Variants in RORA observed in about 807,000 individuals in gnomAD.
RORA encodes the protein RAR related orphan receptor A.
In RORA, 7 loss-of-function variants were observed where a neutral mutation model predicts 69.5. That is an observed-to-expected ratio of 0.10 (90% CI 0.06 to 0.19). The LOEUF (loss-of-function observed/expected upper bound fraction) is 0.19, where lower values mean the gene tolerates loss of function less well. Ranked by LOEUF, RORA falls within the 10% of genes least tolerant of loss-of-function variation. The probability of loss-of-function intolerance (pLI) is 1.00; values close to 1 mark genes in which losing one functional copy is unlikely to be tolerated. For missense variants in RORA, 457 were observed against 663.0 expected, an observed-to-expected ratio of 0.69 and a Z score of 3.41; for synonymous variants, 261 against 240.8, an observed-to-expected ratio of 1.08 and a Z score of -0.78.
intron 1 of RORA, among the ~76,000 whole-genome samples, chr15:61,104,997 C>G (rs1413163246): frequency 2.8e-5 from 4 of 141,180 alleles, no homozygotes; most frequent in African/African-American, 5.1e-5. Context: ...CATGAGGCGC[C>G]CCCCCCACCG....
rs1197259510 is a variant in RORA at position 60,592,371 on chromosome 15, G to T, written c.197-60520C>A. On this transcript the variant is annotated intron_variant, in intron 2 of 10. Coordinates refer to ENST00000335670, the MANE Select transcript of RORA (RefSeq NM_134261.3). ...GCCGCCAGCCCACCCGGCCCCGGCGGGGCGCCCGGGCTCACCTTTCATCGC... is the reference window on the plus strand; with the variant it reads ...GCCGCCAGCCCACCCGGCCCCGGCGTGGCGCCCGGGCTCACCTTTCATCGC... 3 of 1,413,868 alleles carry T rather than the reference G, an allele frequency of 2.1e-6. No homozygotes were observed. In the Admixed American group the frequency reaches 8.0e-5, roughly 38 times the overall value. The allele number at this position is 1,413,868 out of a possible 1,614,324, so 87.6% of individuals were successfully genotyped here. A position where few individuals can be genotyped will look rare whatever the true frequency, so the allele number is the denominator to read the frequency against.
At chr15:60,637,616 T>A (rs2069864643) in intron 2 of RORA, among the ~76,000 whole-genome samples, 1 of 152,124 alleles carries the variant, frequency 6.6e-6, no homozygotes, top group Non-Finnish European at 1.5e-5. Context: ...AAAAAATTTA[T>A]TTTTCTCTGA....
intron 1 of RORA, among the ~76,000 whole-genome samples, chr15:61,191,155 G>A (rs538790328): frequency 3.3e-5 from 5 of 152,068 alleles, no homozygotes; most frequent in Non-Finnish European, 7.4e-5. Context: ...TACGGATTTG[G>A]GCAAAGCTCT....
chr15:60,677,592 T>TC (rs1407119633), intron 2 of RORA, among the ~76,000 whole-genome samples: 1 of 151,806 alleles, frequency 6.6e-6, no homozygotes, highest in Non-Finnish European at 1.5e-5. Flanking sequence ...TTTTTTTTTT[T>TC]TTCATTTTTG....
chr15:60,902,184 T>C (rs1168110616), intron 1 of RORA, among the ~76,000 whole-genome samples: 1 of 152,244 alleles, frequency 6.6e-6, no homozygotes, highest in Admixed American at 6.5e-5. Flanking sequence ...ATTTGGCTTT[T>C]TAAAAGCTGT....
At chr15:60,590,297 C>T (rs2068462225) in intron 2 of RORA, among the ~76,000 whole-genome samples, 1 of 151,952 alleles carries the variant, frequency 6.6e-6, no homozygotes. Context: ...TTATGGCAGA[C>T]AGAGGTCACT....
intron 2 of RORA, among the ~76,000 whole-genome samples, chr15:60,614,283 G>A (rs1191102874): frequency 6.6e-6 from 1 of 152,140 alleles, no homozygotes; most frequent in East Asian, 1.9e-4. Flanking sequence ...GCAAGCATTG[G>A]CATTGACTGC....
intron 1 of RORA, among the ~76,000 whole-genome samples, chr15:60,835,728 T>A (rs998425495): frequency 1.3e-5 from 2 of 152,224 alleles, no homozygotes; most frequent in African/African-American, 4.8e-5. Flanking sequence ...AGTAGCTTAT[T>A]TGTACATTTG....
chr15:60,900,539 C>A (rs1236117730), intron 1 of RORA, among the ~76,000 whole-genome samples: 1 of 152,102 alleles, frequency 6.6e-6, no homozygotes, highest in Non-Finnish European at 1.5e-5. Flanking sequence ...GTGTTTGGGG[C>A]ATATATCTTA....
chr15:60,723,022 C>G (rs2071312851), intron 1 of RORA, among the ~76,000 whole-genome samples: 1 of 152,110 alleles, frequency 6.6e-6, no homozygotes, highest in Admixed American at 6.5e-5. Context: ...TGCAAGAAAC[C>G]CCAGCTCTCT....
At chr15:61,121,189 C>T (rs139674826) in intron 1 of RORA, among the ~76,000 whole-genome samples, 101 of 152,204 alleles carry the variant, frequency 6.6e-4, no homozygotes, top group African/African-American at 1.6e-3. Flanking sequence ...CACTCCATAA[C>T]GCAGACTAAG....
Position 61,002,853 on chromosome 15 carries a change from C to T in RORA, c.166+226200G>A, listed in dbSNP as rs186636126. On this transcript the variant is annotated intron_variant, in intron 1 of 10. Transcript: ENST00000335670. ...ACTTGAAAATACAAGGACATAGGGCCGGGCATGGTGGCTCACGCCTGTAAT... is the reference window on the plus strand; with the variant it reads ...ACTTGAAAATACAAGGACATAGGGCTGGGCATGGTGGCTCACGCCTGTAAT... Among the ~76,000 whole-genome samples, 15 of 151,864 alleles carry T rather than the reference C, an allele frequency of 9.9e-5. No individual in the cohort carries two copies. In the East Asian group the frequency reaches 2.3e-3, roughly 24 times the overall value.
At chr15:61,176,933 C>T (rs948878704) in intron 1 of RORA, among the ~76,000 whole-genome samples, 6 of 152,188 alleles carry the variant, frequency 3.9e-5, no homozygotes, top group Admixed American at 2.0e-4. Context: ...TAACTGGCCT[C>T]TGGAACATTC....
intron 1 of RORA, among the ~76,000 whole-genome samples, chr15:60,897,410 G>A (rs3803487): frequency 0.31 from 46,772 of 152,082 alleles, 7,462 homozygotes; most frequent in South Asian, 0.41. Context: ...TTAAACAGTT[G>A]CCTCAAATCC....
chr15:61,210,825 C>A (rs2079984539), intron 1 of RORA, among the ~76,000 whole-genome samples: 1 of 152,214 alleles, frequency 6.6e-6, no homozygotes, highest in Admixed American at 6.5e-5. Flanking sequence ...TAGCATTTTG[C>A]AAGCTGACAT....
At chr15:60,827,968 A>G (rs996709443) in intron 1 of RORA, among the ~76,000 whole-genome samples, 2 of 152,206 alleles carry the variant, frequency 1.3e-5, no homozygotes, top group African/African-American at 2.4e-5. Context: ...TTGGTGCTCA[A>G]TTAGTACTGG....
At chr15:61,208,238 C>T (rs1275213839) in intron 1 of RORA, among the ~76,000 whole-genome samples, 1 of 152,214 alleles carries the variant, frequency 6.6e-6, no homozygotes, top group Non-Finnish European at 1.5e-5. Flanking sequence ...GACCAAGGTA[C>T]TGATCCATTT....
At chr15:60,907,775 C>T (rs896753289) in intron 1 of RORA, among the ~76,000 whole-genome samples, 1 of 152,100 alleles carries the variant, frequency 6.6e-6, no homozygotes, top group Non-Finnish European at 1.5e-5. Flanking sequence ...TGCTGCACAC[C>T]CTCCACTTCC....
At chr15:61,078,329 C>CTG (rs56676588) in intron 1 of RORA, among the ~76,000 whole-genome samples, 20,334 of 133,042 alleles carry the variant, frequency 0.15, 1,549 homozygotes, top group Middle Eastern at 0.17. Context: ...ACACCTGGCT[C>CTG]TGTGTGTGTG....
Sources: allele counts gnomAD v4.1 joint callset (sites outside exome capture counted in the v4.1 genomes callset), GRCh38; gene constraint gnomAD v4.1.1; transcripts MANE v1.5; gene names NCBI Gene and HGNC (gene_info 2026-07-23, HGNC 2026-07-21).